The following SEMA3A variants were observed in gnomAD, a reference collection of about 807,000 sequenced individuals.
SEMA3A encodes the protein semaphorin 3A, also known as semaphorin-3A.
Under a neutral mutation model 97.9 loss-of-function variants are expected in SEMA3A, and 29 were observed. The observed-to-expected ratio is 0.30, with a 90% confidence interval of 0.22 to 0.40. SEMA3A has a LOEUF of 0.40. Among genes scored for constraint, SEMA3A ranks in the 10% least tolerant of loss-of-function variants. The probability of loss-of-function intolerance (pLI) is 1.00; values close to 1 mark genes in which losing one functional copy is unlikely to be tolerated. For synonymous variants in SEMA3A, 321 were observed against 323.7 expected (o/e 0.99, Z 0.09); for missense variants, 763 against 951.3 (o/e 0.80, Z 2.60).
intron 1 of SEMA3A, among the ~76,000 whole-genome samples, chr7:84,426,814 T>C (rs1804840441): frequency 6.6e-6 from 1 of 152,186 alleles, no homozygotes; most frequent in East Asian, 1.9e-4. Context: ...TTTCTATGTT[T>C]CATAATCAGA....
At chr7:84,098,829 T>C (rs1292034487) in intron 4 of SEMA3A, among the ~76,000 whole-genome samples, 2 of 152,126 alleles carry the variant, frequency 1.3e-5, no homozygotes, top group East Asian at 3.9e-4. Context: ...GGCTGTGTGA[T>C]GTTATGTAAC....
At chr7:84,129,991 T>TC (rs1422496721) in intron 2 of SEMA3A, among the ~76,000 whole-genome samples, 1 of 151,906 alleles carries the variant, frequency 6.6e-6, no homozygotes, top group Non-Finnish European at 1.5e-5. Flanking sequence ...AGTGGATTCA[T>TC]CCCCCCAACA....
At chr7:84,190,736 T>C (rs115815096) in intron 1 of SEMA3A, among the ~76,000 whole-genome samples, 9,283 of 147,632 alleles carry the variant, frequency 0.063, 343 homozygotes, top group African/African-American at 0.092. Context: ...ATAATATATA[T>C]ACACACACAC....
At chr7:84,078,318 AG>A (rs1794024328) in intron 4 of SEMA3A, among the ~76,000 whole-genome samples, 1 of 152,008 alleles carries the variant, frequency 6.6e-6, no homozygotes, top group South Asian at 2.1e-4. Context: ...ATGAAACCTA[AG>A]GGGTTTTCAA....
rs1434592361 is a variant in SEMA3A, at chr7:84,425,067, A to G, written c.-245-53167T>C. ...ATATATAATTATATAATTATAATTT[A>G]TAAATATAATTTATATTTATATTTT... On this transcript the variant is annotated intron_variant, in intron 1 of 3. Transcript: ENST00000424555. Among the ~76,000 whole-genome samples, 7 of 105,878 alleles carry G rather than the reference A, an allele frequency of 6.6e-5. No individual in the cohort carries two copies. The East Asian group carries it at 1.8e-3, about 27-fold the overall frequency. 69.5% of individuals were successfully genotyped at this position (105,878 alleles called of 152,430 possible).
intron 1 of SEMA3A, among the ~76,000 whole-genome samples, chr7:84,383,263 G>T (rs562909428): frequency 6.6e-6 from 1 of 152,104 alleles, no homozygotes; most frequent in South Asian, 2.1e-4. Context: ...CTGTACTAAA[G>T]AATATTACAT....
At chr7:84,453,537 A>C (rs1805616043) in intron 1 of SEMA3A, among the ~76,000 whole-genome samples, 1 of 152,108 alleles carries the variant, frequency 6.6e-6, no homozygotes, top group Admixed American at 6.6e-5. Flanking sequence ...CGCCCGGCCG[A>C]GACTTTGTTT....
intron 1 of SEMA3A, among the ~76,000 whole-genome samples, chr7:84,180,298 A>G (rs548913932): frequency 3.3e-5 from 5 of 151,848 alleles, no homozygotes; most frequent in Admixed American, 1.3e-4. Context: ...TCCCTCTACC[A>G]TTGCTGCATG....
At chr7:84,306,116 A>C (rs113499120) in intron 3 of SEMA3A, among the ~76,000 whole-genome samples, 2 of 151,860 alleles carry the variant, frequency 1.3e-5, no homozygotes. Flanking sequence ...GAACTCTAAC[A>C]ATTTCAACAT....
At chr7:83,962,756 C>T (rs1375305356) in intron 16 of SEMA3A, among the ~76,000 whole-genome samples, 1 of 152,160 alleles carries the variant, frequency 6.6e-6, no homozygotes, top group Non-Finnish European at 1.5e-5. Context: ...TTAAATCCAT[C>T]ACCCTACATC....
At chr7:84,040,354 T>C (rs1240948146) in intron 6 of SEMA3A, among the ~76,000 whole-genome samples, 1 of 151,844 alleles carries the variant, frequency 6.6e-6, no homozygotes, top group Admixed American at 6.6e-5. Context: ...TCTAGGCTCA[T>C]CACACTTAAC....
At chr7:84,246,715 G>A (rs913482456) in intron 3 of SEMA3A, among the ~76,000 whole-genome samples, 7 of 151,858 alleles carry the variant, frequency 4.6e-5, no homozygotes, top group African/African-American at 1.7e-4. Context: ...CTTCTCATGG[G>A]AGGACAAACT....
intron 5 of SEMA3A, among the ~76,000 whole-genome samples, chr7:84,056,988 C>T (rs1793010095): frequency 6.6e-6 from 1 of 152,104 alleles, no homozygotes; most frequent in African/African-American, 2.4e-5. Flanking sequence ...ACTGCCATAC[C>T]ATTTCAGGTA....
intron 1 of SEMA3A, among the ~76,000 whole-genome samples, chr7:84,153,174 G>C (rs565028194): frequency 5.3e-5 from 8 of 152,236 alleles, no homozygotes; most frequent in African/African-American, 1.9e-4. Flanking sequence ...TTCATTAGCT[G>C]TCAAGAACCA....
chr7:84,012,839 CAT>C (rs1467723579), intron 7 of SEMA3A, among the ~76,000 whole-genome samples: 1 of 152,044 alleles, frequency 6.6e-6, no homozygotes, highest in Non-Finnish European at 1.5e-5. Context: ...ATTGAGAGCA[CAT>C]GTTCCTTTAA....
chr7:84,455,583 A>G (rs1268444504), intron 1 of SEMA3A, among the ~76,000 whole-genome samples: 1 of 151,984 alleles, frequency 6.6e-6, no homozygotes, highest in South Asian at 2.1e-4. Flanking sequence ...TGGCAAACTC[A>G]GTTCTTCATT....
At chr7:84,012,232 G>A (rs2030679) in intron 7 of SEMA3A, among the ~76,000 whole-genome samples, 46,215 of 151,868 alleles carry the variant, frequency 0.3, 8,067 homozygotes, top group African/African-American at 0.48. Context: ...AAGTCTTCTC[G>A]CCACGAAGAA....
At chr7:84,408,023 A>C (rs1197775352) in intron 1 of SEMA3A, among the ~76,000 whole-genome samples, 8 of 152,244 alleles carry the variant, frequency 5.3e-5, no homozygotes, top group Non-Finnish European at 1.5e-5. Context: ...CAATGGCAAC[A>C]AAAGCCAAAA....
At position 83,960,671 on chromosome 7, in the gene SEMA3A, C is replaced by G. The variant is rs561975316; in HGVS notation, c.*700G>C. 6 of 152,716 alleles carry G rather than the reference C, an allele frequency of 3.9e-5. No homozygotes were observed. The highest frequency in any genetic ancestry group is 7.3e-5 in the Non-Finnish European group (5 of 68,044). The allele number at this position is 152,716 out of a possible 1,614,324, so 9.5% of individuals were successfully genotyped here. A position where few individuals can be genotyped will look rare whatever the true frequency, so the allele number is the denominator to read the frequency against. On this transcript the variant is annotated 3_prime_UTR_variant, in exon 17 of 17. Coordinates refer to ENST00000265362, the MANE Select transcript of SEMA3A (RefSeq NM_006080.3). Reference sequence around the variant, plus strand: ...CAATAATTGTAAGACAAATCCTACTCTAGCTTAGAAAACAACTAATTTTTA... The same window carrying G: ...CAATAATTGTAAGACAAATCCTACTGTAGCTTAGAAAACAACTAATTTTTA...
Sources: allele counts gnomAD v4.1 joint callset (sites outside exome capture counted in the v4.1 genomes callset), GRCh38; gene constraint gnomAD v4.1.1; transcripts MANE v1.5; gene names NCBI Gene and HGNC (gene_info 2026-07-23, HGNC 2026-07-21).